The following HMX1 variants were observed in gnomAD, a reference collection of about 807,000 sequenced individuals.
HMX1 encodes H6 family homeobox 1, also known as homeobox protein HMX1.
HMX1 carries 8 observed loss-of-function variants against 8.9 expected under a neutral mutation model. That is an observed-to-expected ratio of 0.90 (90% CI 0.53 to 1.63). The LOEUF is 1.63. Ranked by LOEUF, HMX1 falls within the 40% of genes most tolerant of loss-of-function variation. The pLI is 0.00. For missense variants in HMX1, 621 were observed against 558.5 expected (o/e 1.11, Z -1.13); for synonymous variants, 311 against 283.4 (o/e 1.10, Z -0.98).
At chr4:8,862,287 G>T (rs905002263), downstream of HMX1, among the ~76,000 whole-genome samples, 3 of 152,260 alleles carry the variant, frequency 2.0e-5, no homozygotes. Flanking sequence ...CCGATTGGGC[G>T]TAGATAAACC....
chr4:8,866,643 C>T (rs970438221), downstream of HMX1, among the ~76,000 whole-genome samples: 3 of 152,210 alleles, frequency 2.0e-5, no homozygotes, highest in African/African-American at 7.2e-5. Flanking sequence ...TTGAGTGCCA[C>T]GGCTTTGTTT....
rs1330744132 is a variant in HMX1 at position 8,853,265 on chromosome 4, C to T, written c.395-6941G>A. On this transcript the variant is annotated intron_variant, in intron 1 of 1. Coordinates refer to the HMX1 transcript ENST00000506970. This position sits in a 1 kb window ranked among gnomAD's most constrained non-coding sequence, Gnocchi z 4.7. ...ATCCAGGAGGTAGGACAGCTCTGCC[C>T]CAGGTCACCAGGGACCTGGCTCCTT... Among the ~76,000 whole-genome samples the T allele has an allele frequency of 6.6e-6, 1 of 152,166 alleles. No homozygotes were observed. The highest frequency in any genetic ancestry group is 2.4e-5 in the African/African-American group (1 of 41,436).
downstream of HMX1, among the ~76,000 whole-genome samples, chr4:8,865,740 T>C (rs1259936109): frequency 1.3e-5 from 2 of 152,012 alleles, no homozygotes; most frequent in Non-Finnish European, 2.9e-5. Context: ...TTGCCCCTCA[T>C]GGCCGCCAAC....
rs1721434976 is a variant in HMX1, at chr4:8,851,104, C to T, written c.395-4780G>A. On this transcript the variant is annotated intron_variant, in intron 1 of 1. Transcript: ENST00000506970. ...AAACAGAGGCTTGGAGCACCTTAGC[C>T]AGCTGCCCAAGCAGCCGTCGTTACT... Among the ~76,000 whole-genome samples the T allele has an allele frequency of 1.3e-5, 2 of 152,266 alleles. 1 individual carries two copies. The highest frequency in any genetic ancestry group is 4.1e-4 in the South Asian group (2 of 4,834).
At chr4:8,850,573 C>G (rs972273683) in intron 1 of HMX1, among the ~76,000 whole-genome samples, 1 of 152,208 alleles carries the variant, frequency 6.6e-6, no homozygotes, top group African/African-American at 2.4e-5. Flanking sequence ...GCTCCCACAG[C>G]ATCCGCACCT....
chr4:8,861,274 C>A (rs933825788), intron 1 of HMX1, among the ~76,000 whole-genome samples: 1 of 152,000 alleles, frequency 6.6e-6, no homozygotes, highest in Admixed American at 6.5e-5. Flanking sequence ...GCTGCGGCAC[C>A]GACTTCCCAC....
At chr4:8,860,547 G>GA (rs200634848) in intron 1 of HMX1, 10,060 of 152,390 alleles carry the variant, frequency 0.066, 1,102 homozygotes, top group African/African-American at 0.22. Flanking sequence ...ACCCTTCCTG[G>GA]GGAGTGGGGA....
exon 2 of HMX1, chr4:8,846,261 T>C: frequency 1.3e-6 from 2 of 1,535,202 alleles, no homozygotes; most frequent in South Asian, 2.4e-5. Flanking sequence ...CACTTTGTAT[T>C]TATCAGCTCT....
intron 1 of HMX1, among the ~76,000 whole-genome samples, chr4:8,855,502 C>T (rs1270181413): frequency 1.3e-5 from 2 of 152,166 alleles, no homozygotes; most frequent in Non-Finnish European, 2.9e-5. Flanking sequence ...TCTCCTAGCA[C>T]ACTCTGGGGG....
chr4:8,846,181 T>C (rs1002179910), exon 2 of HMX1: 10 of 1,289,672 alleles, frequency 7.8e-6, no homozygotes, highest in Admixed American at 4.0e-5. Context: ...GGCTCCACCG[T>C]GTTGTGGCTG....
rs1359230641 is a variant in HMX1, at chr4:8,868,812, A to G, written c.395-467T>C. ...GTTCACACCGAAAAACAAGCACAGGACACCCCCTGCCACCTGGCATCCAGC... is the reference window on the plus strand; with the variant it reads ...GTTCACACCGAAAAACAAGCACAGGGCACCCCCTGCCACCTGGCATCCAGC... On this transcript the variant is annotated intron_variant, in intron 1 of 1. Coordinates refer to ENST00000400677, the MANE Select transcript of HMX1 (RefSeq NM_018942.3). The surrounding 1 kb of genome is among the most constrained non-coding windows in gnomAD (Gnocchi z 4.6). Among the ~76,000 whole-genome samples the G allele has an allele frequency of 1.3e-5, 2 of 151,948 alleles. No homozygotes were observed. The highest frequency in any genetic ancestry group is 2.9e-5 in the Non-Finnish European group (2 of 68,002).
intron 1 of HMX1, among the ~76,000 whole-genome samples, chr4:8,861,250 G>A (rs1350524626): frequency 6.6e-6 from 1 of 152,120 alleles, no homozygotes; most frequent in Non-Finnish European, 1.5e-5. Flanking sequence ...GGGCAGGCAG[G>A]GCCCGGACCA....
chr4:8,867,031 A>G, downstream of HMX1: 1 of 975,018 alleles, frequency 1.0e-6, no homozygotes, highest in Non-Finnish European at 1.2e-6. Context: ...CCTCGTGATC[A>G]CAAAGCAGTG....
At position 8,847,250 on chromosome 4, in the gene HMX1, G is replaced by A. The variant is rs370224231; in HGVS notation, c.395-926C>T. ...GGAGCTCCAGTCCAGCCTGAGTAAC[G>A]TAGCAAGACTCTGTCTTTAAAAATT... On this transcript the variant is annotated intron_variant, in intron 1 of 1. Transcript: ENST00000506970. The surrounding 1 kb of genome is among the most constrained non-coding windows in gnomAD (Gnocchi z 6.0). Among the ~76,000 whole-genome samples, 4 of 152,072 alleles carry A rather than the reference G, an allele frequency of 2.6e-5. No individual in the cohort carries two copies. The highest frequency in any genetic ancestry group is 5.9e-5 in the Non-Finnish European group (4 of 68,030).
Position 8,857,652 on chromosome 4 carries a change from C to G in HMX1, c.395-11328G>C, listed in dbSNP as rs1006939833. 2.3e-4 allele frequency among the ~76,000 whole-genome samples: 35 copies of G among 152,364 alleles called. 1 individual carries two copies. Among genetic ancestry groups the G allele is most frequent in the Admixed American group, 2.1e-3 (32 of 15,308 alleles). On this transcript the variant is annotated intron_variant, in intron 1 of 1. Transcript: ENST00000506970. ...CTGCGAGCACGCAGGGGTCTCCCAG[C>G]TTCCGGATCGTTCCGCCGTTCGCCC... is the stretch of plus-strand genomic sequence containing the variant.
chr4:8,856,302 A>G (rs1357018254), intron 1 of HMX1, among the ~76,000 whole-genome samples: 2 of 152,226 alleles, frequency 1.3e-5, no homozygotes, highest in Non-Finnish European at 1.5e-5. Flanking sequence ...CTATTTAGAA[A>G]TATAGAGGCA....
At position 8,853,642 on chromosome 4, in the gene HMX1, AG is replaced by A. The variant is rs746253517; in HGVS notation, c.395-7319del. 2.0e-5 allele frequency among the ~76,000 whole-genome samples: 3 copies of A among 152,246 alleles called. No individual in the cohort carries two copies. The highest frequency in any genetic ancestry group is 4.4e-5 in the Non-Finnish European group (3 of 68,044). On this transcript the variant is annotated intron_variant, in intron 1 of 1. Transcript: ENST00000506970. This position sits in a 1 kb window ranked among gnomAD's most constrained non-coding sequence, Gnocchi z 4.7. Reference sequence around the variant, plus strand: ...CAAGGCGGGCGGATCACCTGAGGTCAGGAGTTCAAGACCAGCCTGACCAATA... The same window carrying A: ...CAAGGCGGGCGGATCACCTGAGGTCAGAGTTCAAGACCAGCCTGACCAATA...
At chr4:8,850,591 C>T (rs1349061400) in intron 1 of HMX1, among the ~76,000 whole-genome samples, 2 of 152,214 alleles carry the variant, frequency 1.3e-5, no homozygotes, top group Admixed American at 1.3e-4. Flanking sequence ...CCTCACCCCA[C>T]AACACATGAC....
chr4:8,854,124 G>A (rs1721537515), intron 1 of HMX1, among the ~76,000 whole-genome samples: 1 of 152,128 alleles, frequency 6.6e-6, no homozygotes, highest in South Asian at 2.1e-4. Context: ...GGGTCCTGGA[G>A]GCCTGATGTG....
Sources: allele counts gnomAD v4.1 joint callset (sites outside exome capture counted in the v4.1 genomes callset), GRCh38; gene constraint gnomAD v4.1.1; non-coding constraint Gnocchi (gnomAD v3.1); transcripts MANE v1.5; gene names NCBI Gene and HGNC (gene_info 2026-07-23, HGNC 2026-07-21).